The following ARRB1 variants were observed in gnomAD, a reference collection of about 807,000 sequenced individuals.
ARRB1 encodes the protein arrestin beta 1, also known as beta-arrestin-1.
In ARRB1, 21 loss-of-function variants were observed where a neutral mutation model predicts 56.8. That is an observed-to-expected ratio of 0.37 (90% confidence interval 0.26 to 0.53). The LOEUF (loss-of-function observed/expected upper bound fraction) is 0.53. Ranked by LOEUF, ARRB1 falls within the 20% of genes least tolerant of loss-of-function variation. The pLI is 0.88. For missense variants in ARRB1, 424 were observed against 553.7 expected, an observed-to-expected ratio of 0.77 and a Z score of 2.35; for synonymous variants, 210 against 218.6, an observed-to-expected ratio of 0.96 and a Z score of 0.35.
intron 1 of ARRB1, among the ~76,000 whole-genome samples, chr11:75,299,261 G>A (rs551563028): frequency 1.3e-5 from 2 of 150,320 alleles, no homozygotes; most frequent in Admixed American, 6.6e-5. Flanking sequence ...ACTAAAAAAA[G>A]ACAGAGAGAA....
chr11:75,288,517 C>T (rs1252377165), intron 2 of ARRB1, among the ~76,000 whole-genome samples: 2 of 152,240 alleles, frequency 1.3e-5, no homozygotes, highest in African/African-American at 4.8e-5. Flanking sequence ...TCCCCACAGC[C>T]ACTCCTGCCT....
intron 5 of ARRB1, among the ~76,000 whole-genome samples, chr11:75,283,033 C>G (rs631651): frequency 0.54 from 82,432 of 152,050 alleles, 22,939 homozygotes; most frequent in Non-Finnish European, 0.61. Context: ...CTTAGCACCC[C>G]CTTTCTCCCA....
intron 1 of ARRB1, among the ~76,000 whole-genome samples, chr11:75,316,805 C>A (rs191215483): frequency 6.6e-6 from 1 of 151,844 alleles, no homozygotes; most frequent in Non-Finnish European, 1.5e-5. Flanking sequence ...CAGTGGCTCA[C>A]GCCTGTAATC....
chr11:75,288,976 G>T (rs35013219), intron 2 of ARRB1, among the ~76,000 whole-genome samples: 23 of 152,168 alleles, frequency 1.5e-4, no homozygotes, highest in African/African-American at 5.6e-4. Flanking sequence ...TGACAAATGG[G>T]TTTCATTCCA....
At chr11:75,300,858 C>T (rs1946884633) in intron 1 of ARRB1, among the ~76,000 whole-genome samples, 3 of 149,562 alleles carry the variant, frequency 2.0e-5, no homozygotes, top group Admixed American at 2.0e-4. Context: ...GTCCCAGCTG[C>T]GCGGGAGGCT....
Position 75,292,964 on chromosome 11 carries a change from G to A in ARRB1, c.21-2925C>T, listed in dbSNP as rs143196567. 1.8e-4 allele frequency among the ~76,000 whole-genome samples: 28 copies of A among 152,254 alleles called. No individual in the cohort carries two copies. In the East Asian group the frequency reaches 4.6e-3, roughly 25 times the overall value. ...ACCCAATTCTATCTGCTTGCCTCCAGAAGCTGGGTGCTTCATATCCAACCC... is the reference window on the plus strand; with the variant it reads ...ACCCAATTCTATCTGCTTGCCTCCAAAAGCTGGGTGCTTCATATCCAACCC... On this transcript the variant is annotated intron_variant, in intron 1 of 15. Coordinates refer to ENST00000420843, the MANE Select transcript of ARRB1 (RefSeq NM_004041.5).
At chr11:75,293,807 G>T (rs575938467) in intron 1 of ARRB1, among the ~76,000 whole-genome samples, 1 of 152,272 alleles carries the variant, frequency 6.6e-6, no homozygotes, top group South Asian at 2.1e-4. Flanking sequence ...GGGGGCTGGC[G>T]CAGGATCTGG....
intron 1 of ARRB1, among the ~76,000 whole-genome samples, chr11:75,313,115 G>A (rs978715734): frequency 1.3e-5 from 2 of 152,154 alleles, no homozygotes; most frequent in Admixed American, 1.3e-4. Flanking sequence ...CACTTTGGGA[G>A]GCCAAGGCGG....
intron 1 of ARRB1, among the ~76,000 whole-genome samples, chr11:75,294,605 A>C (rs919948189): frequency 1.5e-4 from 5 of 34,250 alleles, no homozygotes; most frequent in Non-Finnish European, 2.7e-4. Context: ...AAATAAATAA[A>C]TAACTTAAAA....
intron 10 of ARRB1, chr11:75,275,066 C>G (rs1350817116): frequency 6.6e-6 from 1 of 151,856 alleles, no homozygotes; most frequent in Non-Finnish European, 1.5e-5. Flanking sequence ...GATCATACCA[C>G]TGCACTCCAG....
chr11:75,278,461 G>A, intron 8 of ARRB1, 148 bp downstream of exon 8: 1 of 1,163,552 alleles, frequency 8.6e-7, no homozygotes, highest in Non-Finnish European at 1.2e-6. Flanking sequence ...CCCCATGAGA[G>A]GTCTCAGATT....
At chr11:75,344,951 T>C (rs1469821090) in intron 1 of ARRB1, among the ~76,000 whole-genome samples, 2 of 152,182 alleles carry the variant, frequency 1.3e-5, no homozygotes, top group African/African-American at 2.4e-5. Flanking sequence ...GTTGAACCAC[T>C]GAATGGTTCA....
intron 1 of ARRB1, among the ~76,000 whole-genome samples, chr11:75,301,565 C>T (rs1208330088): frequency 6.6e-6 from 1 of 152,188 alleles, no homozygotes; most frequent in Admixed American, 6.5e-5. Context: ...CCATACGTTC[C>T]CCCATCCCTG....
At chr11:75,333,511 G>C (rs1417129072) in intron 1 of ARRB1, among the ~76,000 whole-genome samples, 1 of 152,212 alleles carries the variant, frequency 6.6e-6, no homozygotes, top group Non-Finnish European at 1.5e-5. Context: ...AAACGGGGAA[G>C]TGTAAAAGAG....
At chr11:75,305,868 C>A (rs958603748) in intron 1 of ARRB1, among the ~76,000 whole-genome samples, 3 of 152,126 alleles carry the variant, frequency 2.0e-5, no homozygotes, top group African/African-American at 2.4e-5. Flanking sequence ...AGCATATAAC[C>A]GACTAAACAT....
At chr11:75,292,209 A>G (rs1228566083) in intron 1 of ARRB1, among the ~76,000 whole-genome samples, 6 of 151,988 alleles carry the variant, frequency 3.9e-5, no homozygotes, top group Non-Finnish European at 8.8e-5. Flanking sequence ...GCGTGATCTC[A>G]GCTCACTGCA....
At position 75,283,385 on chromosome 11, in the gene ARRB1, A is replaced by G. The variant is rs1468948452; in HGVS notation, c.256T>C (p.Ser86Pro). 12 of 1,614,012 alleles carry G rather than the reference A, an allele frequency of 7.4e-6. 1 individual carries two copies. The South Asian group carries it at 1.3e-4, about 18-fold the overall frequency. Residue 86 changes from serine (S) to proline (P), a missense_variant, in exon 5 of 16, where the codon TCG becomes CCG. Around this residue, in one of 3 missense-constraint regions of ARRB1, gnomAD observed 301 missense variants for 387.9 expected, o/e 0.78. Coordinates refer to ENST00000420843, the MANE Select transcript of ARRB1 (RefSeq NM_004041.5). ...RKDLFVANVQ[S>P]FPPAPEDKKP... Reference sequence around the variant, plus strand: ...TTGTCCTCGGGGGCCGGTGGGAACGACTGTACGTTGGCCACAAACAGGTCC... The same window carrying G: ...TTGTCCTCGGGGGCCGGTGGGAACGGCTGTACGTTGGCCACAAACAGGTCC...
intron 1 of ARRB1, among the ~76,000 whole-genome samples, chr11:75,304,709 CAT>C (rs1946982065): frequency 6.6e-6 from 1 of 151,794 alleles, no homozygotes; most frequent in African/African-American, 2.4e-5. Flanking sequence ...GCATAATGCA[CAT>C]GTCAGTCCCC....
At chr11:75,303,660 A>G (rs926759208) in intron 1 of ARRB1, 13 of 456,300 alleles carry the variant, frequency 2.8e-5, no homozygotes, top group African/African-American at 2.2e-4. Context: ...AGGGCAGCGG[A>G]AGGCAGACAC....
Sources: gnomAD v4.1 joint callset for allele counts (sites outside exome capture counted in the v4.1 genomes callset) on GRCh38, gnomAD v4.1.1 for gene constraint, gnomAD v4.1.1 regional missense constraint, MANE v1.5 for transcripts, NCBI Gene and HGNC (gene_info 2026-07-23, HGNC 2026-07-21) for gene names.